The following PDE4D variants were observed in gnomAD, a reference collection of about 807,000 sequenced individuals.
The protein encoded by PDE4D is phosphodiesterase 4D.
Under a neutral mutation model 87.4 loss-of-function variants are expected in PDE4D, and 24 were observed. The observed-to-expected ratio is 0.27, with a 90% CI of 0.20 to 0.39. The LOEUF is 0.39. Among genes scored for constraint, PDE4D ranks in the 10% least tolerant of loss-of-function variants. PDE4D has a pLI of 1.00. For synonymous variants in PDE4D, 384 were observed against 383.2 expected (o/e 1.00, Z -0.02); for missense variants, 714 against 1,041.0 (o/e 0.69, Z 4.32).
chr5:59,456,763 G>A (rs77016443), intron 1 of PDE4D, among the ~76,000 whole-genome samples: 3,582 of 152,158 alleles, frequency 0.024, 150 homozygotes, highest in African/African-American at 0.082. Context: ...AACATTACCA[G>A]GAGTTTGAGA....
chr5:59,023,529 G>T (rs1244668145), intron 6 of PDE4D, among the ~76,000 whole-genome samples: 1 of 152,056 alleles, frequency 6.6e-6, no homozygotes, highest in Non-Finnish European at 1.5e-5. Context: ...GGTGGCACAT[G>T]CCTGTGGCTC....
chr5:60,474,110 A>ATG (rs1748095651), intron 1 of PDE4D, among the ~76,000 whole-genome samples: 1 of 66,012 alleles, frequency 1.5e-5, no homozygotes, highest in Non-Finnish European at 2.7e-5. Context: ...GCTGCCATAT[A>ATG]TATATATATA....
intron 2 of PDE4D, among the ~76,000 whole-genome samples, chr5:60,045,461 G>C (rs1378821663): frequency 6.6e-6 from 1 of 152,196 alleles, no homozygotes; most frequent in Non-Finnish European, 1.5e-5. Flanking sequence ...GAATGGTAAA[G>C]CCTAGGTTTT....
At chr5:60,115,027 A>C (rs758141979) in intron 2 of PDE4D, among the ~76,000 whole-genome samples, 1 of 151,946 alleles carries the variant, frequency 6.6e-6, no homozygotes, top group Admixed American at 6.6e-5. Flanking sequence ...AAAAGCCATT[A>C]TATAGAAAAA....
At chr5:59,987,135 G>A (rs1440863375) in intron 3 of PDE4D, 1 of 152,156 alleles carries the variant, frequency 6.6e-6, no homozygotes, top group East Asian at 1.9e-4. Context: ...GAACCCGAGG[G>A]TGATCTTGGG....
chr5:60,187,218 A>G (rs1444956840), intron 1 of PDE4D, among the ~76,000 whole-genome samples: 2 of 152,200 alleles, frequency 1.3e-5, no homozygotes, highest in Non-Finnish European at 2.9e-5. Flanking sequence ...CTAAAGGAGT[A>G]GGATTTGAAG....
intron 2 of PDE4D, chr5:59,193,767 G>A: frequency 1.0e-6 from 1 of 985,392 alleles, no homozygotes; most frequent in Middle Eastern, 5.2e-4. Context: ...TTGATCATCA[G>A]CCAGGGTCAC....
rs56386809 is a variant in PDE4D, at chr5:59,433,631, C to A, written c.456-217663G>T. Reference sequence around the variant, plus strand: ...ACCAGGCCTACCTCCAAATAAGGCTCAAATCTTATTAAGGAATGGCCATGA... The same window carrying A: ...ACCAGGCCTACCTCCAAATAAGGCTAAAATCTTATTAAGGAATGGCCATGA... On this transcript the variant is annotated intron_variant, in intron 1 of 14. Transcript: ENST00000340635. Among the ~76,000 whole-genome samples the A allele has an allele frequency of 7.1e-3, 1,082 of 152,040 alleles. 15 individuals carry two copies. The highest frequency in any genetic ancestry group is 0.024 in the African/African-American group (997 of 41,494).
At chr5:59,069,717 A>G (rs952887324) in intron 5 of PDE4D, among the ~76,000 whole-genome samples, 5 of 151,776 alleles carry the variant, frequency 3.3e-5, no homozygotes, top group African/African-American at 1.2e-4. Flanking sequence ...AACCTGGTCT[A>G]CTGTGGTTGC....
intron 1 of PDE4D, among the ~76,000 whole-genome samples, chr5:60,381,305 C>A (rs1018747642): frequency 6.6e-6 from 1 of 152,186 alleles, no homozygotes; most frequent in African/African-American, 2.4e-5. Flanking sequence ...GCATATGTCA[C>A]ACGGTATTGC....
intron 2 of PDE4D, among the ~76,000 whole-genome samples, chr5:59,992,123 T>A (rs546016411): frequency 6.6e-6 from 1 of 152,318 alleles, no homozygotes; most frequent in East Asian, 1.9e-4. Flanking sequence ...ATCAGACTCC[T>A]GTTCTTAAAC....
intron 1 of PDE4D, among the ~76,000 whole-genome samples, chr5:60,264,801 A>G (rs1583250603): frequency 6.6e-6 from 1 of 152,312 alleles, no homozygotes; most frequent in Middle Eastern, 3.4e-3. Context: ...CACACCCCTC[A>G]TTCCATCCCT....
intron 1 of PDE4D, among the ~76,000 whole-genome samples, chr5:59,529,662 C>T (rs1031934547): frequency 6.6e-5 from 10 of 152,176 alleles, no homozygotes; most frequent in Non-Finnish European, 1.5e-4. Flanking sequence ...TCCTCTTCAT[C>T]CCTCAACTAT....
At chr5:59,595,880 G>A (rs1427799290) in intron 1 of PDE4D, among the ~76,000 whole-genome samples, 1 of 151,944 alleles carries the variant, frequency 6.6e-6, no homozygotes, top group African/African-American at 2.4e-5. Context: ...TATGGTCCAG[G>A]TAAAACTAAG....
intron 1 of PDE4D, among the ~76,000 whole-genome samples, chr5:60,508,537 A>G (rs1750422216): frequency 6.6e-6 from 1 of 152,226 alleles, no homozygotes; most frequent in African/African-American, 2.4e-5. Flanking sequence ...ATTCTACAAA[A>G]TGTCTAAACA....
At chr5:60,066,455 T>C (rs78782661) in intron 2 of PDE4D, among the ~76,000 whole-genome samples, 4,398 of 152,186 alleles carry the variant, frequency 0.029, 204 homozygotes, top group African/African-American at 0.1. Flanking sequence ...ACTCAGTTCA[T>C]TGCAACAAGG....
intron 1 of PDE4D, among the ~76,000 whole-genome samples, chr5:59,851,697 T>C (rs1744691534): frequency 6.6e-6 from 1 of 152,028 alleles, no homozygotes; most frequent in Admixed American, 6.6e-5. Context: ...CAGGGTCAAA[T>C]GAAGTCAGAG....
intron 2 of PDE4D, among the ~76,000 whole-genome samples, chr5:60,071,553 T>G (rs1772720314): frequency 6.6e-6 from 1 of 152,150 alleles, no homozygotes; most frequent in South Asian, 2.1e-4. Context: ...CAAAAAATCT[T>G]TTTCCATTGG....
intron 1 of PDE4D, among the ~76,000 whole-genome samples, chr5:59,466,563 G>A (rs1287580979): frequency 4.6e-5 from 7 of 152,190 alleles, no homozygotes; most frequent in Admixed American, 4.6e-4. Flanking sequence ...ACCACTGCCT[G>A]ACTCAAACCT....
Sources: gnomAD v4.1 joint callset for allele counts (sites outside exome capture counted in the v4.1 genomes callset) on GRCh38, gnomAD v4.1.1 for gene constraint, MANE v1.5 for transcripts, NCBI Gene and HGNC (gene_info 2026-07-23, HGNC 2026-07-21) for gene names.